Variants in ZDHHC2 observed in about 807,000 individuals in gnomAD.
The protein encoded by ZDHHC2 is palmitoyltransferase ZDHHC2.
In ZDHHC2, 51 loss-of-function variants were observed where a neutral mutation model predicts 55.6. That is an observed-to-expected ratio of 0.92 (90% CI 0.73 to 1.16). The LOEUF (loss-of-function observed/expected upper bound fraction) is 1.16, where lower values mean the gene tolerates loss of function less well. ZDHHC2 is among the 50% of genes most tolerant of loss of function. The pLI, the probability that ZDHHC2 is intolerant of heterozygous loss-of-function variation, is 0.00. For synonymous variants in ZDHHC2, 199 were observed against 152.9 expected (o/e 1.30, Z -2.22); for missense variants, 491 against 442.4 (o/e 1.11, Z -0.99).
rs550805928 is a variant in ZDHHC2, at chr8:17,192,694, T to C, written c.253-2810T>C. ...TGTGAGGTATGATTCAAGAAATCCT[T>C]GCCTACACCAATGCTTTGGAGAGTT... On this transcript the variant is annotated intron_variant, in intron 3 of 12. Coordinates refer to ENST00000262096, the MANE Select transcript of ZDHHC2 (RefSeq NM_016353.5). Among the ~76,000 whole-genome samples, 14 of 152,360 alleles carry C rather than the reference T, an allele frequency of 9.2e-5. No homozygotes were observed. In the East Asian group the frequency reaches 2.7e-3, roughly 29 times the overall value.
At position 17,205,697 on chromosome 8, in the gene ZDHHC2, C is replaced by T; in HGVS notation, c.519C>T (p.Leu173=). The part of the protein sequence containing the change: ...CVGFSNYKFF[L]LFLAYSLLYC... The stretch of plus-strand genomic sequence containing the variant: ...GATTTTCAAATTATAAGTTCTTTCT[C>T]CTTTTCTTGGCTTATTCTCTGCTCT... The change falls in exon 7 of 13, where the codon CTC becomes CTT. Residue 173 remains leucine (L), a synonymous_variant. Coordinates refer to ENST00000262096, the MANE Select transcript of ZDHHC2 (RefSeq NM_016353.5). 1 of 1,608,096 alleles carries T rather than the reference C, an allele frequency of 6.2e-7. No individual in the cohort carries two copies. The highest frequency in any genetic ancestry group is 8.5e-7 in the Non-Finnish European group (1 of 1,178,180).
At chr8:17,178,061 T>A (rs1805237971) in intron 1 of ZDHHC2, among the ~76,000 whole-genome samples, 1 of 152,200 alleles carries the variant, frequency 6.6e-6, no homozygotes, top group African/African-American at 2.4e-5. Flanking sequence ...GGGGAGTTCA[T>A]TTTTTGTCTA....
At chr8:17,199,637 TCTC>T (rs377155242) in intron 6 of ZDHHC2, among the ~76,000 whole-genome samples, 43 of 98,520 alleles carry the variant, frequency 4.4e-4, no homozygotes, top group African/African-American at 1.3e-3. Context: ...TTCTTCTTCT[TCTC>T]CTCCTCCTCC....
In ZDHHC2 at chr8:17,222,851, G is replaced by A. The variant is rs1807979065; in HGVS notation, c.*2630G>A. ...TAATGGCAAAATTCATGTCTTCAAT[G>A]TGGCCATAACATAGGTCTTGGGAGG... On this transcript the variant is annotated 3_prime_UTR_variant, in exon 13 of 13. Coordinates refer to ENST00000262096, the MANE Select transcript of ZDHHC2 (RefSeq NM_016353.5). 1 of 151,832 alleles carries A rather than the reference G, an allele frequency of 6.6e-6. No homozygotes were observed. The highest frequency in any genetic ancestry group is 1.5e-5 in the Non-Finnish European group (1 of 67,790). The allele number at this position is 151,832 out of a possible 1,614,324, so 9.4% of individuals were successfully genotyped here.
chr8:17,197,408 G>T (rs1320424797), intron 4 of ZDHHC2, among the ~76,000 whole-genome samples, 174 bp from the exon 5 acceptor site: 1 of 152,180 alleles, frequency 6.6e-6, no homozygotes, highest in Non-Finnish European at 1.5e-5. Flanking sequence ...AACTGTGGCT[G>T]TAGGCAAGTC....
At chr8:17,185,129 G>A (rs1002292067) in intron 2 of ZDHHC2, among the ~76,000 whole-genome samples, 5 of 152,120 alleles carry the variant, frequency 3.3e-5, no homozygotes, top group Admixed American at 6.5e-5. Context: ...GAAAAATATT[G>A]TTGGCTTTAG....
intron 7 of ZDHHC2, among the ~76,000 whole-genome samples, 200 bp downstream of exon 7, chr8:17,205,975 G>A (rs1464657530): frequency 1.3e-5 from 2 of 152,122 alleles, no homozygotes; most frequent in Admixed American, 1.3e-4. Context: ...GACAGCTTTC[G>A]TCATCTGCAG....
intron 12 of ZDHHC2, among the ~76,000 whole-genome samples, chr8:17,219,734 C>G (rs976130179): frequency 6.6e-6 from 1 of 152,066 alleles, no homozygotes; most frequent in Non-Finnish European, 1.5e-5. Flanking sequence ...AGATGGAGAT[C>G]GCATCACTGC....
At chr8:17,168,957 T>A (rs1404350535) in intron 1 of ZDHHC2, among the ~76,000 whole-genome samples, 1 of 152,210 alleles carries the variant, frequency 6.6e-6, no homozygotes, top group East Asian at 1.9e-4. Flanking sequence ...GTTTCTACCT[T>A]TTTGGCTATT....
At chr8:17,204,177 G>C (rs1178401770) in intron 6 of ZDHHC2, among the ~76,000 whole-genome samples, 4 of 152,186 alleles carry the variant, frequency 2.6e-5, no homozygotes, top group Non-Finnish European at 5.9e-5. Flanking sequence ...TAAATCTAAT[G>C]CTATTCCCTT....
At chr8:17,159,727 A>G (rs746620426) in intron 1 of ZDHHC2, among the ~76,000 whole-genome samples, 10 of 152,102 alleles carry the variant, frequency 6.6e-5, no homozygotes, top group Admixed American at 6.6e-5. Flanking sequence ...ATTTTTGGTT[A>G]AGTCAGCTTC....
intron 1 of ZDHHC2, among the ~76,000 whole-genome samples, chr8:17,173,144 G>C (rs938192360): frequency 6.6e-6 from 1 of 152,080 alleles, no homozygotes; most frequent in Non-Finnish European, 1.5e-5. Flanking sequence ...GGAAGAGAAC[G>C]GCTGCCCAGG....
chr8:17,177,743 T>G (rs1805217093), intron 1 of ZDHHC2, among the ~76,000 whole-genome samples: 3 of 140,604 alleles, frequency 2.1e-5, no homozygotes, highest in African/African-American at 8.4e-5. Context: ...AGTCTCTGTT[T>G]TGGGGTGTTT....
intron 1 of ZDHHC2, among the ~76,000 whole-genome samples, chr8:17,172,093 CTTG>C (rs1804883505): frequency 6.6e-6 from 1 of 152,104 alleles, no homozygotes; most frequent in South Asian, 2.1e-4. Context: ...CGTCTATCAC[CTTG>C]TTAATAGTCT....
intron 6 of ZDHHC2, among the ~76,000 whole-genome samples, chr8:17,200,418 C>T (rs1480149941): frequency 6.6e-6 from 1 of 152,152 alleles, no homozygotes; most frequent in African/African-American, 2.4e-5. Context: ...TGGGGTAAAC[C>T]CATGTTAAGC....
intron 1 of ZDHHC2, among the ~76,000 whole-genome samples, chr8:17,180,539 A>G (rs1335975694): frequency 1.3e-5 from 2 of 152,182 alleles, no homozygotes; most frequent in Non-Finnish European, 1.5e-5. Context: ...TACGTTATAC[A>G]TTACAGTTAA....
In ZDHHC2 at chr8:17,217,298, T is replaced by C. The variant is rs914564551; in HGVS notation, c.*34+52T>C. 43 of 1,269,148 alleles carry C rather than the reference T, an allele frequency of 3.4e-5. No homozygotes were observed. In the African/African-American group the frequency reaches 5.4e-4, roughly 16 times the overall value. The allele number at this position is 1,269,148 out of a possible 1,614,324, so 78.6% of individuals were successfully genotyped here. ...TATATTTTTAACAGTCTTCTAATTT[T>C]ATTAGGGCAAATAGTTTCCATAAAC... On this transcript the variant is annotated intron_variant, in intron 12 of 12. Transcript: ENST00000262096.
At chr8:17,216,319 T>C (rs563574296) in intron 11 of ZDHHC2, among the ~76,000 whole-genome samples, 1 of 152,324 alleles carries the variant, frequency 6.6e-6, no homozygotes, top group Admixed American at 6.5e-5. Context: ...ATTCTAGTCA[T>C]TATTTAATAT....
chr8:17,198,537 G>T, intron 6 of ZDHHC2, 124 bp downstream of exon 6: 1 of 861,362 alleles, frequency 1.2e-6, no homozygotes, highest in South Asian at 3.0e-5. Context: ...AGGAACTTTT[G>T]GATTTAGTTT....
Sources: gnomAD v4.1 joint callset for allele counts (sites outside exome capture counted in the v4.1 genomes callset) on GRCh38, gnomAD v4.1.1 for gene constraint, MANE v1.5 for transcripts, NCBI Gene and HGNC (gene_info 2026-07-23, HGNC 2026-07-21) for gene names.